NBAS: variants seen among roughly 807,000 people sequenced by gnomAD.
NBAS encodes NAG/BC035112 fusion.
Under a neutral mutation model 302.5 loss-of-function variants are expected in NBAS, and 219 were observed. The ratio of observed to expected loss-of-function variants is 0.72; its 90% confidence interval spans 0.65 to 0.81. NBAS has a LOEUF of 0.81. NBAS is among the 30% of genes least tolerant of loss of function. The pLI is 0.00. For synonymous variants in NBAS, 1,118 were observed against 1,021.6 expected, an observed-to-expected ratio of 1.09 and a Z score of -1.80; for missense variants, 2,932 against 2,841.6, an observed-to-expected ratio of 1.03 and a Z score of -0.72.
chr2:15,313,636 A>G, intron 38 of NBAS, among the ~76,000 whole-genome samples: 1 of 152,240 alleles, frequency 6.6e-6, no homozygotes, highest in African/African-American at 2.4e-5. Context: ...AACACATGCA[A>G]CTGCAATTTT....
At chr2:14,815,261 T>C in the NBAS span, among the ~76,000 whole-genome samples, 2 of 152,236 alleles carry the variant, frequency 1.3e-5, no homozygotes, top group Non-Finnish European at 2.9e-5. Context: ...ACTCCCATGA[T>C]TGAAAGCTAC....
chr2:15,006,680 C>A, the NBAS span, among the ~76,000 whole-genome samples: 5 of 152,230 alleles, frequency 3.3e-5, no homozygotes, highest in South Asian at 2.1e-4. Context: ...CATAACTATT[C>A]GTTTACAATT....
chr2:15,112,798 C>T, the NBAS span, among the ~76,000 whole-genome samples: 1 of 61,888 alleles, frequency 1.6e-5, no homozygotes, highest in Admixed American at 1.7e-4. Flanking sequence ...AACTTACTTT[C>T]ACATACAATA....
At chr2:14,889,522 C>T in the NBAS span, among the ~76,000 whole-genome samples, 3 of 152,174 alleles carry the variant, frequency 2.0e-5, no homozygotes, top group Non-Finnish European at 4.4e-5. Context: ...CATAGCTGGA[C>T]CCCCAGAACA....
chr2:15,308,232 C>A lies in NBAS; in HGVS notation c.4781G>T (p.Cys1594Phe). Reference sequence around the variant, plus strand: ...AAGACTCACCCTGTAAAGAGGATGGCACTTGTCCCTGAAACATGGGGCCAA... The same window carrying A: ...AAGACTCACCCTGTAAAGAGGATGGAACTTGTCCCTGAAACATGGGGCCAA... Reference protein sequence around the residue: ...ARLAPCFRDKCHPLYRADPKE... With the variant: ...ARLAPCFRDKFHPLYRADPKE... Residue 1594 changes from cysteine to phenylalanine, a missense_variant, in exon 40 of 52, where the codon TGC becomes TTC. Coordinates refer to ENST00000281513, the MANE Select transcript of NBAS (RefSeq NM_015909.4). 2 of 1,614,120 alleles carry A rather than the reference C, an allele frequency of 1.2e-6. No individual in the cohort carries two copies. Among genetic ancestry groups the A allele is most frequent in the Non-Finnish European group, 1.7e-6 (2 of 1,180,010 alleles).
At chr2:15,539,044 T>C (rs1663663602) in intron 7 of NBAS, among the ~76,000 whole-genome samples, 179 bp downstream of exon 7, 1 of 152,218 alleles carries the variant, frequency 6.6e-6, no homozygotes, top group Non-Finnish European at 1.5e-5. Context: ...TATTACAAAA[T>C]ACAAGGAATA....
chr2:15,228,629 C>T (rs535393073), intron 47 of NBAS, among the ~76,000 whole-genome samples: 1 of 152,288 alleles, frequency 6.6e-6, no homozygotes, highest in East Asian at 1.9e-4. Context: ...AAATGTGGTA[C>T]ATATAAATAC....
intron 40 of NBAS, among the ~76,000 whole-genome samples, chr2:15,307,750 T>G (rs775742027): frequency 3.3e-5 from 5 of 152,096 alleles, no homozygotes; most frequent in Non-Finnish European, 7.3e-5. Flanking sequence ...TTTTGGCAAG[T>G]ATGAATAATA....
intron 48 of NBAS, among the ~76,000 whole-genome samples, chr2:15,215,848 A>G (rs1049789226): frequency 7.2e-5 from 11 of 152,228 alleles, no homozygotes; most frequent in African/African-American, 2.7e-4. Flanking sequence ...GGTCACACAC[A>G]CAAGTATCTG....
At chr2:15,369,479 A>G (rs1015932669) in intron 31 of NBAS, among the ~76,000 whole-genome samples, 1 of 152,202 alleles carries the variant, frequency 6.6e-6, no homozygotes, top group African/African-American at 2.4e-5. Flanking sequence ...AGTCTAATAG[A>G]CTGCAATTAC....
chr2:14,831,514 G>A, the NBAS span, among the ~76,000 whole-genome samples: 2 of 152,140 alleles, frequency 1.3e-5, no homozygotes, highest in Non-Finnish European at 2.9e-5. Flanking sequence ...GGAAGGCTAA[G>A]CAATATATTA....
intron 44 of NBAS, among the ~76,000 whole-genome samples, chr2:15,252,498 CA>C (rs1668410697): frequency 6.7e-6 from 1 of 148,684 alleles, no homozygotes; most frequent in Non-Finnish European, 1.5e-5. Flanking sequence ...AACTCCATCT[CA>C]AAAATAAATA....
intron 38 of NBAS, among the ~76,000 whole-genome samples, chr2:15,320,098 C>A (rs190514432): frequency 0.023 from 3,562 of 152,214 alleles, 60 homozygotes; most frequent in Non-Finnish European, 0.035. Flanking sequence ...TCAACATATG[C>A]AAATCAATAA....
rs564041849 is a variant in NBAS, at chr2:15,263,133, G to C, written c.5724+12351C>G. On this transcript the variant is annotated intron_variant, in intron 44 of 51. Transcript: ENST00000281513. ...GTTCCTTTCTCCAATCATCACAAAAGTGGTGAGATATATGTATCTTTTCTT... is the reference window on the plus strand; with the variant it reads ...GTTCCTTTCTCCAATCATCACAAAACTGGTGAGATATATGTATCTTTTCTT... Among the ~76,000 whole-genome samples, 5 of 152,258 alleles carry C rather than the reference G, an allele frequency of 3.3e-5. No homozygotes were observed. The South Asian group carries it at 1.0e-3, about 32-fold the overall frequency.
chr2:15,246,848 T>A (rs144691877), intron 44 of NBAS, among the ~76,000 whole-genome samples: 1 of 152,288 alleles, frequency 6.6e-6, no homozygotes, highest in East Asian at 1.9e-4. Flanking sequence ...CCCCTGGGTA[T>A]GTCAAAGTCT....
At chr2:14,877,511 G>A in the NBAS span, among the ~76,000 whole-genome samples, 1 of 152,142 alleles carries the variant, frequency 6.6e-6, no homozygotes, top group Non-Finnish European at 1.5e-5. Flanking sequence ...TTCTAAGACA[G>A]GAATGCATTG....
At chr2:15,551,699 A>G (rs1664394313) in intron 5 of NBAS, among the ~76,000 whole-genome samples, 163 bp from the exon 6 acceptor site, 1 of 152,206 alleles carries the variant, frequency 6.6e-6, no homozygotes, top group East Asian at 1.9e-4. Context: ...GTCAGTGACA[A>G]TATTTTCTTC....
At chr2:14,876,403 A>G in the NBAS span, among the ~76,000 whole-genome samples, 5 of 152,216 alleles carry the variant, frequency 3.3e-5, no homozygotes, top group Non-Finnish European at 7.3e-5. Flanking sequence ...AACAGAGGGC[A>G]AATGATACTA....
intron 23 of NBAS, among the ~76,000 whole-genome samples, chr2:15,418,049 C>T (rs1472356996): frequency 6.6e-6 from 1 of 152,138 alleles, no homozygotes; most frequent in African/African-American, 2.4e-5. Context: ...AGAGAAAAAA[C>T]ACATACCTAC....
Sources: allele counts gnomAD v4.1 joint callset (sites outside exome capture counted in the v4.1 genomes callset), GRCh38; gene constraint gnomAD v4.1.1; transcripts MANE v1.5; gene names NCBI Gene and HGNC (gene_info 2026-07-23, HGNC 2026-07-21).